The following PTPRD variants were observed in gnomAD, a reference collection of about 807,000 sequenced individuals.
PTPRD encodes the protein protein tyrosine phosphatase receptor type D, also known as receptor-type tyrosine-protein phosphatase delta.
A neutral mutation model predicts 214.5 loss-of-function variants in PTPRD; 34 were observed. That is an observed-to-expected ratio of 0.16 (90% CI 0.12 to 0.21). The LOEUF is 0.21. PTPRD is among the 10% of genes least tolerant of loss of function. PTPRD has a pLI of 1.00. For missense variants in PTPRD, 2,545 were observed against 2,398.7 expected, an observed-to-expected ratio of 1.06 and a Z score of -1.27; for synonymous variants, 1,128 against 845.7, an observed-to-expected ratio of 1.33 and a Z score of -5.79.
At chr9:9,427,743 G>C (rs898836102) in intron 8 of PTPRD, among the ~76,000 whole-genome samples, 1 of 152,204 alleles carries the variant, frequency 6.6e-6, no homozygotes, top group Non-Finnish European at 1.5e-5. Flanking sequence ...CCAGAAGAGA[G>C]TGGGGGCCAC....
At chr9:9,347,332 A>C (rs115745748) in intron 9 of PTPRD, among the ~76,000 whole-genome samples, 1,911 of 149,872 alleles carry the variant, frequency 0.013, 41 homozygotes, top group African/African-American at 0.044. Context: ...ATATATATAT[A>C]TATCTATATA....
At chr9:9,307,421 T>C (rs1359660838) in intron 9 of PTPRD, among the ~76,000 whole-genome samples, 1 of 152,188 alleles carries the variant, frequency 6.6e-6, no homozygotes, top group Non-Finnish European at 1.5e-5. Flanking sequence ...CCTCCATTCC[T>C]ATGTCTTTTC....
intron 14 of PTPRD, among the ~76,000 whole-genome samples, chr9:8,578,524 C>A (rs377599391): frequency 2.6e-5 from 4 of 152,244 alleles, no homozygotes; most frequent in Admixed American, 6.5e-5. Flanking sequence ...ATTCTCTAGG[C>A]TGTCAATACA....
intron 9 of PTPRD, among the ~76,000 whole-genome samples, chr9:9,197,658 G>A (rs988831912): frequency 5.3e-5 from 8 of 152,124 alleles, no homozygotes; most frequent in Non-Finnish European, 8.8e-5. Flanking sequence ...TGATCTGCCC[G>A]CCACGGCCTC....
At chr9:9,672,995 T>A (rs1018935472) in intron 7 of PTPRD, among the ~76,000 whole-genome samples, 2 of 152,004 alleles carry the variant, frequency 1.3e-5, no homozygotes, top group African/African-American at 4.8e-5. Flanking sequence ...TAGACCTTGA[T>A]TATAACGTAT....
At chr9:9,225,218 A>G (rs1170922740) in intron 9 of PTPRD, among the ~76,000 whole-genome samples, 1 of 152,040 alleles carries the variant, frequency 6.6e-6, no homozygotes, top group Non-Finnish European at 1.5e-5. Context: ...AATGGTTTCT[A>G]GAGAAAAAAA....
At chr9:9,533,374 C>T (rs1200122085) in intron 8 of PTPRD, among the ~76,000 whole-genome samples, 1 of 152,020 alleles carries the variant, frequency 6.6e-6, no homozygotes, top group African/African-American at 2.4e-5. Flanking sequence ...TCATTACTGC[C>T]ACATTGATAT....
chr9:8,414,749 T>C (rs1001282020), intron 35 of PTPRD, among the ~76,000 whole-genome samples: 2 of 151,706 alleles, frequency 1.3e-5, no homozygotes, highest in Non-Finnish European at 2.9e-5. Context: ...CACCCCAAGG[T>C]AGAGCTGGTT....
intron 9 of PTPRD, among the ~76,000 whole-genome samples, chr9:9,265,110 G>C (rs1286746010): frequency 6.6e-6 from 1 of 151,618 alleles, no homozygotes; most frequent in African/African-American, 2.4e-5. Flanking sequence ...ACTCACTAAA[G>C]TAAGTATATA....
chr9:9,815,802 G>A (rs2048574469), intron 5 of PTPRD, among the ~76,000 whole-genome samples: 1 of 152,088 alleles, frequency 6.6e-6, no homozygotes, highest in Non-Finnish European at 1.5e-5. Context: ...CTTATAAGAC[G>A]AATAAGTTCT....
chr9:9,042,431 T>C (rs1164687106), intron 10 of PTPRD, among the ~76,000 whole-genome samples: 1 of 152,014 alleles, frequency 6.6e-6, no homozygotes, highest in East Asian at 1.9e-4. Flanking sequence ...CAGGTCACCT[T>C]GGAGTCACAT....
intron 2 of PTPRD, among the ~76,000 whole-genome samples, chr9:10,562,886 AG>A (rs1328348161): frequency 6.6e-6 from 1 of 152,172 alleles, no homozygotes; most frequent in East Asian, 1.9e-4. Flanking sequence ...AATGATTTGT[AG>A]AAAAAAAGCA....
chr9:9,536,328 G>T (rs779272509), intron 8 of PTPRD, among the ~76,000 whole-genome samples: 1 of 151,872 alleles, frequency 6.6e-6, no homozygotes, highest in Non-Finnish European at 1.5e-5. Context: ...ATGCTTACTG[G>T]CAGGTCAGGC....
intron 5 of PTPRD, among the ~76,000 whole-genome samples, chr9:9,775,879 C>T (rs967821029): frequency 1.5e-4 from 20 of 135,794 alleles, no homozygotes; most frequent in Admixed American, 5.2e-4. Context: ...TGGTGTGAAC[C>T]AGGGAGGCGG....
intron 2 of PTPRD, among the ~76,000 whole-genome samples, chr9:10,361,002 T>C (rs13440283): frequency 0.074 from 11,328 of 152,108 alleles, 616 homozygotes; most frequent in South Asian, 0.24. Flanking sequence ...CTCGGGAGGC[T>C]GAGGCAGGAG....
At chr9:8,738,383 CT>C (rs2091023701) in intron 11 of PTPRD, among the ~76,000 whole-genome samples, 1 of 148,498 alleles carries the variant, frequency 6.7e-6, no homozygotes, top group Non-Finnish European at 1.5e-5. Context: ...GCTTTCTATA[CT>C]GTTATTTGTG....
intron 2 of PTPRD, among the ~76,000 whole-genome samples, chr9:10,456,522 C>A (rs2098918634): frequency 6.6e-6 from 1 of 151,756 alleles, no homozygotes; most frequent in Non-Finnish European, 1.5e-5. Flanking sequence ...CAATTTTTTT[C>A]TTGTTTGTTT....
chr9:9,968,396 C>A (rs903163739), intron 4 of PTPRD, among the ~76,000 whole-genome samples: 3 of 152,140 alleles, frequency 2.0e-5, no homozygotes, highest in Non-Finnish European at 2.9e-5. Flanking sequence ...GTAAATGTAA[C>A]AGCAAGATAT....
At chr9:9,248,127 C>T (rs183165125) in intron 9 of PTPRD, among the ~76,000 whole-genome samples, 1 of 152,056 alleles carries the variant, frequency 6.6e-6, no homozygotes, top group Non-Finnish European at 1.5e-5. Flanking sequence ...GGGTCTCACT[C>T]TGTCACCCAG....
Sources: gnomAD v4.1 joint callset for allele counts (sites outside exome capture counted in the v4.1 genomes callset) on GRCh38, gnomAD v4.1.1 for gene constraint, MANE v1.5 for transcripts, NCBI Gene and HGNC (gene_info 2026-07-23, HGNC 2026-07-21) for gene names.